Variants in PEPD observed in about 807,000 individuals in gnomAD.
PEPD encodes the protein peptidase D.
In PEPD, 53 loss-of-function variants were observed where a neutral mutation model predicts 60.7. The ratio of observed to expected loss-of-function variants is 0.87; its 90% CI spans 0.70 to 1.10. The LOEUF (loss-of-function observed/expected upper bound fraction) is 1.10. PEPD is among the 50% of genes least tolerant of loss of function. The pLI is 0.00. For synonymous variants in PEPD, 267 were observed against 284.1 expected, an observed-to-expected ratio of 0.94 and a Z score of 0.60; for missense variants, 711 against 711.9, an observed-to-expected ratio of 1.00 and a Z score of 0.01.
At chr19:33,436,467 A>AGGCTGCAT (rs1382843973) in intron 9 of PEPD, among the ~76,000 whole-genome samples, 2 of 152,138 alleles carry the variant, frequency 1.3e-5, no homozygotes, top group Non-Finnish European at 2.9e-5. Context: ...CTGGGCTGCA[A>AGGCTGCAT]GGCTGCATGG....
At chr19:33,458,318 C>T (rs1012825926) in intron 9 of PEPD, among the ~76,000 whole-genome samples, 3 of 142,114 alleles carry the variant, frequency 2.1e-5, no homozygotes, top group South Asian at 2.3e-4. Flanking sequence ...ATGTGGCATG[C>T]GATGTGTGGT....
At chr19:33,397,206 T>TC (rs1370584010) in intron 12 of PEPD, among the ~76,000 whole-genome samples, 2 of 152,150 alleles carry the variant, frequency 1.3e-5, no homozygotes, top group Non-Finnish European at 2.9e-5. Flanking sequence ...TGAGGAATGC[T>TC]CCCCCACCAG....
chr19:33,399,688 G>A lies in PEPD; in HGVS notation c.967+2033C>T, dbSNP rs1017004398. 4.5e-4 allele frequency among the ~76,000 whole-genome samples: 69 copies of A among 152,322 alleles called. 1 individual carries two copies. Among genetic ancestry groups the A allele is most frequent in the African/African-American group, 1.6e-3 (66 of 41,582 alleles). On this transcript the variant is annotated intron_variant, in intron 12 of 14. Coordinates refer to ENST00000244137, the MANE Select transcript of PEPD (RefSeq NM_000285.4). The stretch of plus-strand genomic sequence containing the variant: ...AGGCTGCAACTCATCCCAGCAACGG[G>A]CTGTGGGGCCGCAGGGACTGCTCAG...
intron 7 of PEPD, among the ~76,000 whole-genome samples, chr19:33,470,953 T>C (rs181575056): frequency 6.7e-4 from 102 of 152,222 alleles, no homozygotes; most frequent in African/African-American, 2.4e-3. Context: ...GGCTCTCCAC[T>C]CTGCCTCCCA....
intron 9 of PEPD, among the ~76,000 whole-genome samples, chr19:33,417,181 G>A (rs898075086): frequency 6.6e-6 from 1 of 152,248 alleles, no homozygotes; most frequent in Non-Finnish European, 1.5e-5. Context: ...GGGTAGCGCC[G>A]AAGAGGTTAG....
chr19:33,401,062 G>T (rs1968477475), intron 12 of PEPD, among the ~76,000 whole-genome samples: 1 of 152,174 alleles, frequency 6.6e-6, no homozygotes, highest in Admixed American at 6.5e-5. Flanking sequence ...TACCAGTGGG[G>T]CCTGTGCAGG....
intron 11 of PEPD, among the ~76,000 whole-genome samples, chr19:33,404,955 T>A (rs1369248122): frequency 6.6e-6 from 1 of 152,214 alleles, no homozygotes; most frequent in Non-Finnish European, 1.5e-5. Flanking sequence ...ATCCTCTGAA[T>A]GCAAACCGAC....
chr19:33,396,709 TG>T (rs951097523), intron 12 of PEPD, among the ~76,000 whole-genome samples: 1 of 14,790 alleles, frequency 6.8e-5, no homozygotes, highest in Non-Finnish European at 1.4e-4. Context: ...CCAGGGAGGG[TG>T]GGGGGGTGAG....
At chr19:33,462,768 C>T (rs1022335932) in intron 9 of PEPD, among the ~76,000 whole-genome samples, 1 of 152,158 alleles carries the variant, frequency 6.6e-6, no homozygotes, top group African/African-American at 2.4e-5. Flanking sequence ...GGCACTAAAC[C>T]ACCCTGAAAA....
chr19:33,418,934 G>A (rs930859147), intron 9 of PEPD, among the ~76,000 whole-genome samples: 6 of 152,216 alleles, frequency 3.9e-5, no homozygotes, highest in Non-Finnish European at 8.8e-5. Flanking sequence ...CGGAGAGCTG[G>A]TCAGCATCAC....
chr19:33,430,002 T>G (rs1212958842), intron 9 of PEPD, among the ~76,000 whole-genome samples: 1 of 152,234 alleles, frequency 6.6e-6, no homozygotes, highest in Non-Finnish European at 1.5e-5. Flanking sequence ...ACACCGGCAC[T>G]CATGGTTTGG....
intron 9 of PEPD, among the ~76,000 whole-genome samples, chr19:33,458,925 G>A (rs1187674952): frequency 1.3e-5 from 2 of 150,536 alleles, no homozygotes; most frequent in Non-Finnish European, 3.0e-5. Flanking sequence ...CTCAGGTCGT[G>A]TCCCCTCTCC....
chr19:33,483,875 A>G (rs1793375675), intron 6 of PEPD, among the ~76,000 whole-genome samples: 1 of 152,198 alleles, frequency 6.6e-6, no homozygotes, highest in African/African-American at 2.4e-5. Flanking sequence ...AGGGAAGGAT[A>G]GCACACACAA....
At chr19:33,503,696 G>A (rs189500634) in intron 3 of PEPD, among the ~76,000 whole-genome samples, 2 of 152,286 alleles carry the variant, frequency 1.3e-5, no homozygotes, top group East Asian at 1.9e-4. Flanking sequence ...ACATCAACTC[G>A]GACTTTCTGG....
In PEPD at chr19:33,517,106, T is replaced by TG. The variant is rs1332366826; in HGVS notation, c.18-4331dup. On this transcript the variant is annotated intron_variant, in intron 1 of 14. Transcript: ENST00000244137. ...TAAGGCAGGAGGAACGCTTGAGCAC[T>TG]GGAGGCGGAGACTACAGTGAGCTGA... 2.0e-5 allele frequency among the ~76,000 whole-genome samples: 3 copies of TG among 152,078 alleles called. No individual in the cohort carries two copies. In the East Asian group the frequency reaches 5.8e-4, roughly 29 times the overall value.
rs539187239 is a variant in PEPD, at chr19:33,499,140, G to A, written c.393+1798C>T. On this transcript the variant is annotated intron_variant, in intron 4 of 14. Coordinates refer to ENST00000244137, the MANE Select transcript of PEPD (RefSeq NM_000285.4). ...TTGGGAGCATGCAAATAAACGTTCC[G>A]TCTATTTTAGATCCTGTACTCAACG... Among the ~76,000 whole-genome samples the A allele has an allele frequency of 1.1e-3, 163 of 152,130 alleles. 1 individual carries two copies. Among genetic ancestry groups the A allele is most frequent in the Admixed American group, 3.3e-3 (51 of 15,274 alleles).
chr19:33,507,518 G>A (rs1600172324), intron 3 of PEPD, among the ~76,000 whole-genome samples: 3 of 152,110 alleles, frequency 2.0e-5, no homozygotes, highest in Non-Finnish European at 4.4e-5. Context: ...CACAGGAAGC[G>A]GCAGATCCTG....
intron 9 of PEPD, among the ~76,000 whole-genome samples, chr19:33,447,747 G>C (rs767176088): frequency 1.3e-5 from 2 of 152,202 alleles, no homozygotes; most frequent in African/African-American, 2.4e-5. Flanking sequence ...CTCTGGGGCA[G>C]CTGAAGAAGG....
At chr19:33,456,349 G>A (rs1222954334) in intron 9 of PEPD, among the ~76,000 whole-genome samples, 2 of 152,174 alleles carry the variant, frequency 1.3e-5, no homozygotes, top group African/African-American at 4.8e-5. Flanking sequence ...GACAGCCCTG[G>A]CTCTTGGGAA....
Sources: allele counts gnomAD v4.1 joint callset (sites outside exome capture counted in the v4.1 genomes callset), GRCh38; gene constraint gnomAD v4.1.1; transcripts MANE v1.5; gene names NCBI Gene and HGNC (gene_info 2026-07-23, HGNC 2026-07-21).